The following ADAM12 variants were observed in gnomAD, a reference collection of about 807,000 sequenced individuals.
ADAM12 encodes the protein ADAM metallopeptidase domain 12.
In ADAM12, 70 loss-of-function variants were observed where a neutral mutation model predicts 106.4. The ratio of observed to expected loss-of-function variants is 0.66; its 90% confidence interval spans 0.54 to 0.80. The LOEUF is 0.80. Ranked by LOEUF, ADAM12 falls within the 30% of genes least tolerant of loss-of-function variation. The pLI is 0.00. For synonymous variants in ADAM12, 420 were observed against 433.5 expected, an observed-to-expected ratio of 0.97 and a Z score of 0.39; for missense variants, 1,010 against 1,171.9, an observed-to-expected ratio of 0.86 and a Z score of 2.02.
At chr10:126,292,244 T>G (rs116257675) in intron 2 of ADAM12, among the ~76,000 whole-genome samples, 2,042 of 152,284 alleles carry the variant, frequency 0.013, 56 homozygotes, top group African/African-American at 0.047. Context: ...TTCCTCATTT[T>G]GTGACCCCCT....
chr10:126,313,892 C>G (rs576024750), intron 2 of ADAM12, among the ~76,000 whole-genome samples: 98 of 152,130 alleles, frequency 6.4e-4, no homozygotes, highest in African/African-American at 2.0e-3. Context: ...TTACAGCAAC[C>G]AAGCGAGTGG....
intron 3 of ADAM12, among the ~76,000 whole-genome samples, chr10:126,277,284 T>C (rs1370227732): frequency 6.6e-6 from 1 of 152,228 alleles, no homozygotes; most frequent in Non-Finnish European, 1.5e-5. Context: ...TTAAGGTTTT[T>C]ATGAGGTCGA....
chr10:126,020,429 G>A (rs1953742133), intron 21 of ADAM12, among the ~76,000 whole-genome samples: 2 of 152,232 alleles, frequency 1.3e-5, no homozygotes, highest in Admixed American at 6.5e-5. Flanking sequence ...ACACACTAAG[G>A]GGCAGGGCTG....
At chr10:126,264,078 A>G (rs1959053045) in intron 3 of ADAM12, among the ~76,000 whole-genome samples, 1 of 152,244 alleles carries the variant, frequency 6.6e-6, no homozygotes, top group Non-Finnish European at 1.5e-5. Flanking sequence ...AACATTCTAT[A>G]TATTTTGTTG....
At chr10:126,180,139 G>C (rs1957287455) in intron 3 of ADAM12, among the ~76,000 whole-genome samples, 1 of 152,146 alleles carries the variant, frequency 6.6e-6, no homozygotes, top group Non-Finnish European at 1.5e-5. Context: ...CTGTATTAAG[G>C]AGTTTTTAAT....
chr10:126,100,488 G>A (rs1214018601), intron 9 of ADAM12, among the ~76,000 whole-genome samples: 1 of 151,418 alleles, frequency 6.6e-6, no homozygotes, highest in Non-Finnish European at 1.5e-5. Flanking sequence ...CGGATCATGA[G>A]GTCAGGAGAT....
At chr10:126,252,658 C>A (rs868118859) in intron 3 of ADAM12, among the ~76,000 whole-genome samples, 1 of 152,124 alleles carries the variant, frequency 6.6e-6, no homozygotes, top group Non-Finnish European at 1.5e-5. Flanking sequence ...TGGTGCCCAC[C>A]CACATTGGGT....
intron 11 of ADAM12, among the ~76,000 whole-genome samples, chr10:126,074,057 C>T (rs1420412422): frequency 6.6e-6 from 1 of 152,118 alleles, no homozygotes; most frequent in East Asian, 1.9e-4. Flanking sequence ...GAGAGTTTTC[C>T]TAGGACATAT....
chr10:126,372,996 T>C (rs1489003827), intron 1 of ADAM12, among the ~76,000 whole-genome samples: 3 of 152,222 alleles, frequency 2.0e-5, no homozygotes, highest in East Asian at 3.9e-4. Flanking sequence ...GTGAATTGAA[T>C]AGACTAAATC....
chr10:126,027,203 T>C (rs1953890131), intron 21 of ADAM12, among the ~76,000 whole-genome samples: 1 of 152,102 alleles, frequency 6.6e-6, no homozygotes, highest in South Asian at 2.1e-4. Context: ...AATAGGCCAA[T>C]AATGAGTCCT....
intron 3 of ADAM12, among the ~76,000 whole-genome samples, chr10:126,214,154 A>T (rs1957946661): frequency 6.6e-6 from 1 of 152,218 alleles, no homozygotes; most frequent in South Asian, 2.1e-4. Context: ...GTGAGCATTA[A>T]AACAAGAAGG....
At chr10:126,382,619 T>G (rs928902379) in intron 1 of ADAM12, among the ~76,000 whole-genome samples, 21 of 152,172 alleles carry the variant, frequency 1.4e-4, no homozygotes, top group African/African-American at 4.3e-4. Flanking sequence ...TGAATGTTCA[T>G]CAGTCAGTAA....
intron 6 of ADAM12, among the ~76,000 whole-genome samples, chr10:126,117,381 T>C (rs1252305930): frequency 2.6e-5 from 4 of 152,196 alleles, no homozygotes; most frequent in Non-Finnish European, 5.9e-5. Context: ...AGACATTTTA[T>C]CAGCAGATCC....
At position 126,101,608 on chromosome 10, in the gene ADAM12, A is replaced by G. The variant is rs528978977; in HGVS notation, c.742-367T>C. Among the ~76,000 whole-genome samples, 3 of 152,364 alleles carry G rather than the reference A, an allele frequency of 2.0e-5. No homozygotes were observed. In the South Asian group the frequency reaches 6.2e-4, roughly 32 times the overall value. On this transcript the variant is annotated intron_variant, in intron 8 of 22. Transcript: ENST00000448723. The stretch of plus-strand genomic sequence containing the variant: ...TAATATCCACTGCAAGTGAAACAAT[A>G]AGTGAATTAGGATCTTTCAGACACT...
Position 126,312,491 on chromosome 10 carries a change from G to T in ADAM12, c.186+17921C>A, listed in dbSNP as rs572191048. Among the ~76,000 whole-genome samples, 334 of 152,254 alleles carry T rather than the reference G, an allele frequency of 2.2e-3. 1 individual carries two copies. The highest frequency in any genetic ancestry group is 4.0e-3 in the Non-Finnish European group (271 of 68,020). On this transcript the variant is annotated intron_variant, in intron 2 of 22. Transcript: ENST00000448723. ...AGAGAAGAAATGCTGTGTGTGGCTG[G>T]ATGGTCCTGACTATGTGGTTAATGA...
intron 6 of ADAM12, among the ~76,000 whole-genome samples, chr10:126,113,205 T>C (rs1286666832): frequency 1.3e-5 from 2 of 151,920 alleles, no homozygotes; most frequent in Non-Finnish European, 2.9e-5. Flanking sequence ...GGGGAGAGCT[T>C]GTGGGTGTTG....
Position 126,330,380 on chromosome 10 carries a change from GT to G in ADAM12, c.186+31del. The G allele has an allele frequency of 1.9e-6, 3 of 1,562,606 alleles. No individual in the cohort carries two copies. In the South Asian group the frequency reaches 3.4e-5, roughly 18 times the overall value. Reference sequence around the variant, plus strand: ...CTAATGTGATTTAAAAGCTTCGGCAGTCTCAAAGCTGAGAAAAGGAGAGGAA... The same window carrying G: ...CTAATGTGATTTAAAAGCTTCGGCAGCTCAAAGCTGAGAAAAGGAGAGGAA... On this transcript the variant is annotated intron_variant, in intron 2 of 22. Transcript: ENST00000448723.
At chr10:126,373,385 C>T (rs1856178138) in intron 1 of ADAM12, among the ~76,000 whole-genome samples, 1 of 152,196 alleles carries the variant, frequency 6.6e-6, no homozygotes, top group Non-Finnish European at 1.5e-5. Context: ...CCATCATTAG[C>T]ACATCTCACC....
At chr10:126,254,271 T>A (rs1485419258) in intron 3 of ADAM12, among the ~76,000 whole-genome samples, 1 of 152,218 alleles carries the variant, frequency 6.6e-6, no homozygotes, top group Non-Finnish European at 1.5e-5. Flanking sequence ...GGGCTGTGCC[T>A]CAGTTTCCTT....
Sources: allele counts gnomAD v4.1 joint callset (sites outside exome capture counted in the v4.1 genomes callset), GRCh38; gene constraint gnomAD v4.1.1; transcripts MANE v1.5; gene names NCBI Gene and HGNC (gene_info 2026-07-23, HGNC 2026-07-21).